Variants in SPOCK1 observed in about 807,000 individuals in gnomAD.
SPOCK1 encodes SPARC (osteonectin), cwcv and kazal like domains proteoglycan 1.
A neutral mutation model predicts 55.3 loss-of-function variants in SPOCK1; 23 were observed. The ratio of observed to expected loss-of-function variants is 0.42; its 90% CI spans 0.30 to 0.59. SPOCK1 has a LOEUF of 0.59. Ranked by LOEUF, SPOCK1 falls within the 20% of genes least tolerant of loss-of-function variation. The pLI, the probability that SPOCK1 is intolerant of heterozygous loss-of-function variation, is 0.22. For synonymous variants in SPOCK1, 226 were observed against 221.0 expected, an observed-to-expected ratio of 1.02 and a Z score of -0.20; for missense variants, 499 against 552.5, an observed-to-expected ratio of 0.90 and a Z score of 0.97.
intron 2 of SPOCK1, among the ~76,000 whole-genome samples, chr5:137,344,297 TA>T (rs1335346843): frequency 6.6e-6 from 1 of 152,222 alleles, no homozygotes; most frequent in Non-Finnish European, 1.5e-5. Context: ...GATGACTATT[TA>T]AAAATCAAAA....
intron 2 of SPOCK1, among the ~76,000 whole-genome samples, chr5:137,475,487 T>A (rs1753820909): frequency 6.6e-6 from 1 of 152,226 alleles, no homozygotes; most frequent in Admixed American, 6.5e-5. Context: ...TTGATATCAT[T>A]ATTATATTAA....
At chr5:137,316,672 C>T (rs939715542) in intron 2 of SPOCK1, among the ~76,000 whole-genome samples, 19 of 152,190 alleles carry the variant, frequency 1.2e-4, no homozygotes, top group African/African-American at 4.6e-4. Context: ...ACAAGTTAAA[C>T]CTTATTCTAA....
intron 6 of SPOCK1, among the ~76,000 whole-genome samples, chr5:136,998,723 G>A (rs928226274): frequency 6.6e-6 from 1 of 152,244 alleles, no homozygotes; most frequent in Non-Finnish European, 1.5e-5. Context: ...GCTTTGGTGT[G>A]AGAACAATGG....
chr5:137,054,061 G>A (rs1337807406), intron 6 of SPOCK1, among the ~76,000 whole-genome samples: 1 of 152,094 alleles, frequency 6.6e-6, no homozygotes, highest in Non-Finnish European at 1.5e-5. Context: ...CTGTGTGTAT[G>A]TGTGTGTGCA....
chr5:137,119,663 T>C (rs1282960855), intron 4 of SPOCK1, among the ~76,000 whole-genome samples: 1 of 152,244 alleles, frequency 6.6e-6, no homozygotes, highest in Admixed American at 6.5e-5. Context: ...GACTCCTGTG[T>C]GCCTGAGGGT....
At chr5:137,157,333 A>G (rs183472007) in intron 3 of SPOCK1, among the ~76,000 whole-genome samples, 2,022 of 152,320 alleles carry the variant, frequency 0.013, 22 homozygotes, top group Non-Finnish European at 0.022. Context: ...GGCAAACAAC[A>G]TGATAACTTC....
At chr5:137,409,404 G>C (rs1229717) in intron 2 of SPOCK1, among the ~76,000 whole-genome samples, 56,369 of 152,018 alleles carry the variant, frequency 0.37, 11,197 homozygotes, top group East Asian at 0.64. Flanking sequence ...TAAGGCTGAA[G>C]AGTGCTGGGC....
At chr5:137,413,278 G>C (rs1030233809) in intron 2 of SPOCK1, among the ~76,000 whole-genome samples, 2 of 151,862 alleles carry the variant, frequency 1.3e-5, no homozygotes, top group African/African-American at 4.8e-5. Context: ...TAAACTCATG[G>C]AATAAAATAT....
chr5:137,367,534 C>G (rs1482618072), intron 2 of SPOCK1, among the ~76,000 whole-genome samples: 1 of 152,192 alleles, frequency 6.6e-6, no homozygotes, highest in Non-Finnish European at 1.5e-5. Context: ...TTGAGACATG[C>G]CTCAGGAACA....
Position 137,267,010 on chromosome 5 carries a change from C to G in SPOCK1, c.232G>C (p.Ala78Pro). Residue 78 changes from alanine (A) to proline (P), a missense_variant and splice_region_variant, in exon 3 of 11, where the codon GCC becomes CCC. Ala to Pro is a conservative substitution (Grantham distance 27). Transcript: ENST00000394945. Reference sequence around the variant, plus strand: ...CAGCAAGAAATATTGCATCCATTACCTTGGTCAAAGGGCTTGTTGGGATTC... The same window carrying G: ...CAGCAAGAAATATTGCATCCATTACGTTGGTCAAAGGGCTTGTTGGGATTC... ...NWNPNKPFDQ[A>P]LDPSKDPCLK... The G allele has an allele frequency of 6.2e-7, 1 of 1,612,346 alleles. No individual in the cohort carries two copies. The highest frequency in any genetic ancestry group is 8.5e-7 in the Non-Finnish European group (1 of 1,178,534).
At chr5:137,356,797 TAATATATATATATA>T (rs1186909881) in intron 2 of SPOCK1, among the ~76,000 whole-genome samples, 19 of 24,372 alleles carry the variant, frequency 7.8e-4, no homozygotes, top group South Asian at 1.3e-3. Flanking sequence ...TCAAAAAAAA[TAATATATATATATA>T]TATATATATA....
At chr5:137,274,185 G>A (rs1757019990) in intron 2 of SPOCK1, among the ~76,000 whole-genome samples, 1 of 152,176 alleles carries the variant, frequency 6.6e-6, no homozygotes. Flanking sequence ...CAAGACATGT[G>A]TTGTCTCCTC....
chr5:137,305,185 C>T (rs1008470968), intron 2 of SPOCK1, among the ~76,000 whole-genome samples: 1 of 152,218 alleles, frequency 6.6e-6, no homozygotes, highest in South Asian at 2.1e-4. Flanking sequence ...TCTCTCCTTA[C>T]ATAACACATA....
intron 4 of SPOCK1, 56 bp downstream of exon 4, chr5:137,140,524 G>T: frequency 6.9e-7 from 1 of 1,452,320 alleles, no homozygotes; most frequent in Admixed American, 2.0e-5. Context: ...GAAACCCTCA[G>T]ATCTGCCAGC....
chr5:137,219,334 T>C (rs180997817), intron 3 of SPOCK1, among the ~76,000 whole-genome samples: 30 of 152,278 alleles, frequency 2.0e-4, no homozygotes, highest in Non-Finnish European at 3.8e-4. Flanking sequence ...TGGAGTTCAG[T>C]GGAGGCAGAG....
intron 2 of SPOCK1, among the ~76,000 whole-genome samples, chr5:137,375,353 T>C (rs1352409778): frequency 6.6e-6 from 1 of 152,210 alleles, no homozygotes; most frequent in Non-Finnish European, 1.5e-5. Flanking sequence ...ATTCACTTTA[T>C]ATCAAATTCA....
At chr5:137,324,444 CAAAAAT>C (rs1415684869) in intron 2 of SPOCK1, among the ~76,000 whole-genome samples, 1 of 151,896 alleles carries the variant, frequency 6.6e-6, no homozygotes, top group Non-Finnish European at 1.5e-5. Context: ...GACTCCATCT[CAAAAAT>C]AAGAGAGAGA....
At chr5:137,028,142 A>T (rs1751711049) in intron 6 of SPOCK1, among the ~76,000 whole-genome samples, 1 of 152,172 alleles carries the variant, frequency 6.6e-6, no homozygotes, top group Non-Finnish European at 1.5e-5. Flanking sequence ...CAGCTGTCAG[A>T]GTGGTGAATC....
intron 3 of SPOCK1, among the ~76,000 whole-genome samples, chr5:137,154,894 G>A (rs545528748): frequency 5.9e-5 from 9 of 152,300 alleles, no homozygotes; most frequent in African/African-American, 1.4e-4. Flanking sequence ...AGGAAGGGCC[G>A]AAGGAGAATG....
Sources: gnomAD v4.1 joint callset for allele counts (sites outside exome capture counted in the v4.1 genomes callset) on GRCh38, gnomAD v4.1.1 for gene constraint, MANE v1.5 for transcripts, NCBI Gene and HGNC (gene_info 2026-07-23, HGNC 2026-07-21) for gene names.